The following CSMD1 variants were observed in gnomAD, a reference collection of about 807,000 sequenced individuals.
CSMD1 encodes the protein CUB and Sushi multiple domains 1, also known as CUB and sushi domain-containing protein 1.
In CSMD1, 213 loss-of-function variants were observed where a neutral mutation model predicts 417.5. The ratio of observed to expected loss-of-function variants is 0.51; its 90% confidence interval spans 0.46 to 0.57. The LOEUF (loss-of-function observed/expected upper bound fraction) is 0.57, where lower values mean the gene tolerates loss of function less well. Ranked by LOEUF, CSMD1 falls within the 20% of genes least tolerant of loss-of-function variation. CSMD1 has a pLI of 0.00. For missense variants in CSMD1, 6,923 were observed against 4,529.7 expected (o/e 1.53, Z -15.17); for synonymous variants, 2,862 against 1,736.8 (o/e 1.65, Z -16.11).
rs556275648 is a variant in CSMD1 at position 4,807,227 on chromosome 8, G to C, written c.86-169669C>G. ...TCTGCCTGTCCACCACTCACCCGGG[G>C]GTTCGGCAGCTTCTCCCACAGAAAG... On this transcript the variant is annotated intron_variant, in intron 1 of 69. Coordinates refer to ENST00000635120, the MANE Select transcript of CSMD1 (RefSeq NM_033225.6). Among the ~76,000 whole-genome samples, 3 of 152,152 alleles carry C rather than the reference G, an allele frequency of 2.0e-5. No individual in the cohort carries two copies. In the South Asian group the frequency reaches 6.2e-4, roughly 32 times the overall value.
At chr8:2,951,552 C>G (rs1802636990) in intron 65 of CSMD1, among the ~76,000 whole-genome samples, 1 of 152,126 alleles carries the variant, frequency 6.6e-6, no homozygotes, top group Non-Finnish European at 1.5e-5. Flanking sequence ...ACAGCCCTTC[C>G]AAGCTCATGG....
At chr8:4,516,885 AAATAT>A (rs1000002631) in intron 2 of CSMD1, among the ~76,000 whole-genome samples, 59 of 152,230 alleles carry the variant, frequency 3.9e-4, no homozygotes, top group South Asian at 1.2e-3. Flanking sequence ...GGGTGAATAC[AAATAT>A]AATATAATAT....
At chr8:3,576,863 C>G (rs971860707) in intron 9 of CSMD1, among the ~76,000 whole-genome samples, 1 of 152,182 alleles carries the variant, frequency 6.6e-6, no homozygotes, top group Non-Finnish European at 1.5e-5. Flanking sequence ...TGATAATAAA[C>G]TCTGAGTTGT....
intron 7 of CSMD1, among the ~76,000 whole-genome samples, chr8:3,684,508 T>C (rs2129030179): frequency 6.6e-6 from 1 of 151,544 alleles, no homozygotes; most frequent in East Asian, 1.9e-4. Flanking sequence ...GAACATATAT[T>C]TTATCTTTTT....
intron 10 of CSMD1, among the ~76,000 whole-genome samples, chr8:3,521,413 A>G (rs1488903791): frequency 6.6e-6 from 1 of 152,074 alleles, no homozygotes; most frequent in African/African-American, 2.4e-5. Context: ...CACCATTTCC[A>G]TGAAGTCCTC....
At chr8:4,134,223 G>A (rs1199792990) in intron 3 of CSMD1, among the ~76,000 whole-genome samples, 2 of 152,134 alleles carry the variant, frequency 1.3e-5, no homozygotes, top group Non-Finnish European at 2.9e-5. Flanking sequence ...GCTGAATTGT[G>A]TCTCCCCAGA....
intron 5 of CSMD1, among the ~76,000 whole-genome samples, chr8:3,837,675 G>A (rs1802799110): frequency 6.6e-6 from 1 of 152,142 alleles, no homozygotes; most frequent in Non-Finnish European, 1.5e-5. Flanking sequence ...GCACAGGGAT[G>A]TCTGCTCTTG....
intron 1 of CSMD1, among the ~76,000 whole-genome samples, chr8:4,768,263 C>A (rs1260982774): frequency 6.6e-6 from 1 of 152,022 alleles, no homozygotes; most frequent in Admixed American, 6.6e-5. Context: ...ATGTCAGCCC[C>A]TAACCTCCGA....
intron 3 of CSMD1, among the ~76,000 whole-genome samples, chr8:4,072,351 A>G (rs998951047): frequency 5.9e-5 from 9 of 152,160 alleles, no homozygotes. Flanking sequence ...ACGTACAAAT[A>G]CTAGTTTTCA....
chr8:3,029,379 G>C lies in CSMD1; in HGVS notation c.7795C>G (p.Leu2599Val). ...SPGYYLEGWR[L>V]LRCQANGTWN... ...GTCCCATTGGCCTGGCACCGCAGGA[G>C]CCTCCAGCCTTCTAAGTAGTAACCA... Residue 2599 changes from leucine (L) to valine (V), a missense_variant, in exon 51 of 70, where the codon CTC becomes GTC. By Grantham distance (32) the Leu-to-Val change is conservative. Coordinates refer to ENST00000635120, the MANE Select transcript of CSMD1 (RefSeq NM_033225.6). 1.2e-6 allele frequency: 2 copies of C among 1,611,584 alleles called. No individual in the cohort carries two copies. Among genetic ancestry groups the C allele is most frequent in the African/African-American group, 1.3e-5 (1 of 74,120 alleles).
intron 23 of CSMD1, among the ~76,000 whole-genome samples, chr8:3,340,187 A>G (rs918567017): frequency 6.6e-6 from 1 of 152,168 alleles, no homozygotes. Context: ...TTGGGTTGCA[A>G]TTACACCACT....
At chr8:3,152,393 A>G (rs1819252545) in intron 39 of CSMD1, among the ~76,000 whole-genome samples, 2 of 152,234 alleles carry the variant, frequency 1.3e-5, no homozygotes, top group African/African-American at 4.8e-5. Context: ...ACTTCTTTTC[A>G]GGAAGCCCAA....
chr8:3,769,462 T>C lies in CSMD1; in HGVS notation c.819-15420A>G, dbSNP rs112754724. ...GTAAAGTGACAGGCTGAACTCATTG[T>C]TTTTCTTCCACAGTTGTTGAGAAAA... On this transcript the variant is annotated intron_variant, in intron 5 of 69. Transcript: ENST00000635120. Among the ~76,000 whole-genome samples the C allele has an allele frequency of 5.5e-3, 619 of 112,394 alleles. 7 individuals are homozygous for C. Among genetic ancestry groups the C allele is most frequent in the African/African-American group, 0.016 (584 of 37,396 alleles). 73.7% of individuals were successfully genotyped at this position (112,394 alleles called of 152,430 possible).
intron 3 of CSMD1, among the ~76,000 whole-genome samples, chr8:4,391,331 C>A (rs1034383781): frequency 1.3e-5 from 2 of 152,190 alleles, no homozygotes; most frequent in African/African-American, 2.4e-5. Context: ...TCCTTCTCAT[C>A]CCTTGACTGA....
intron 11 of CSMD1, among the ~76,000 whole-genome samples, chr8:3,471,647 C>CTT (rs1817110169): frequency 7.1e-6 from 1 of 140,558 alleles, no homozygotes; most frequent in African/African-American, 2.6e-5. Flanking sequence ...CCTTCTTCCT[C>CTT]TCTCCTTCCT....
intron 3 of CSMD1, among the ~76,000 whole-genome samples, chr8:4,360,552 C>T (rs1329410705): frequency 1.3e-5 from 2 of 152,204 alleles, no homozygotes; most frequent in South Asian, 2.1e-4. Context: ...GGCAGTGGCG[C>T]GATCTCGGCT....
At position 4,383,933 on chromosome 8, in the gene CSMD1, A is replaced by G. The variant is rs77417727; in HGVS notation, c.415+36020T>C. 3.6e-3 allele frequency among the ~76,000 whole-genome samples: 551 copies of G among 152,324 alleles called. 23 individuals carry two copies. The East Asian group carries it at 0.093, about 26-fold the overall frequency. On this transcript the variant is annotated intron_variant, in intron 3 of 69. Coordinates refer to ENST00000635120, the MANE Select transcript of CSMD1 (RefSeq NM_033225.6). ...GTTTATAAATATGATACCGTGAAGA[A>G]AAATGCGTTCTCTTTTATGGAAACA...
At chr8:4,680,579 TA>T (rs1563129459) in intron 1 of CSMD1, among the ~76,000 whole-genome samples, 1 of 152,014 alleles carries the variant, frequency 6.6e-6, no homozygotes, top group Non-Finnish European at 1.5e-5. Flanking sequence ...CATTCTAAGA[TA>T]GTTTTTGTGT....
At chr8:2,981,661 T>C (rs655535) in intron 54 of CSMD1, among the ~76,000 whole-genome samples, 3 of 152,110 alleles carry the variant, frequency 2.0e-5, no homozygotes, top group African/African-American at 7.2e-5. Flanking sequence ...CTGGAAGGAA[T>C]GAGAACATGA....
Sources: allele counts gnomAD v4.1 joint callset (sites outside exome capture counted in the v4.1 genomes callset), GRCh38; gene constraint gnomAD v4.1.1; transcripts MANE v1.5; gene names NCBI Gene and HGNC (gene_info 2026-07-23, HGNC 2026-07-21).